DDX10: variants seen among roughly 807,000 people sequenced by gnomAD.
DDX10 encodes probable ATP-dependent RNA helicase DDX10.
DDX10 carries 74 observed loss-of-function variants against 104.3 expected under a neutral mutation model. The ratio of observed to expected loss-of-function variants is 0.71; its 90% CI spans 0.59 to 0.86. The LOEUF (loss-of-function observed/expected upper bound fraction) is 0.86. Ranked by LOEUF, DDX10 falls within the 40% of genes least tolerant of loss-of-function variation. The pLI is 0.00. For synonymous variants in DDX10, 351 were observed against 353.4 expected (o/e 0.99, Z 0.08); for missense variants, 952 against 1,040.0 (o/e 0.92, Z 1.16).
chr11:108,838,439 C>T lies in DDX10; in HGVS notation c.1966-7C>T. 3 of 1,606,074 alleles carry T rather than the reference C, an allele frequency of 1.9e-6. No individual in the cohort carries two copies. Among genetic ancestry groups the T allele is most frequent in the Admixed American group, 3.4e-5 (2 of 58,898 alleles). On this transcript the variant is annotated splice_polypyrimidine_tract_variant and splice_region_variant and intron_variant, in intron 13 of 17. Transcript: ENST00000322536. ...ATCATCTGTGTTTTTTGTATGTTCTCACACAGAAGAAAGAACCTTCTAAAT... is the reference window on the plus strand; with the variant it reads ...ATCATCTGTGTTTTTTGTATGTTCTTACACAGAAGAAAGAACCTTCTAAAT...
intron 13 of DDX10, among the ~76,000 whole-genome samples, chr11:108,734,845 C>T (rs2094316476): frequency 1.3e-5 from 2 of 152,170 alleles, no homozygotes; most frequent in Admixed American, 6.6e-5. Context: ...AAGGAGTTTT[C>T]AAATTCATAA....
chr11:108,695,307 C>T (rs1298132068), intron 9 of DDX10, among the ~76,000 whole-genome samples: 1 of 152,208 alleles, frequency 6.6e-6, no homozygotes, highest in African/African-American at 2.4e-5. Context: ...TTTTCTTTCT[C>T]ATCAAAACTG....
At chr11:108,694,758 G>A (rs2094257356) in intron 9 of DDX10, among the ~76,000 whole-genome samples, 2 of 152,186 alleles carry the variant, frequency 1.3e-5, no homozygotes, top group South Asian at 4.1e-4. Flanking sequence ...GTGTGCGCCT[G>A]TAGTCTCAGC....
chr11:108,789,896 G>A (rs1262488126), intron 13 of DDX10, among the ~76,000 whole-genome samples: 1 of 152,082 alleles, frequency 6.6e-6, no homozygotes, highest in Non-Finnish European at 1.5e-5. Flanking sequence ...TTTGGCTTTT[G>A]TCCTCAGACT....
intron 16 of DDX10, among the ~76,000 whole-genome samples, chr11:108,858,829 C>T (rs1473615477): frequency 1.3e-5 from 2 of 152,102 alleles, no homozygotes; most frequent in African/African-American, 4.8e-5. Context: ...GTGTATGGTA[C>T]TGTATGGGTG....
intron 16 of DDX10, among the ~76,000 whole-genome samples, chr11:108,867,103 G>A (rs955707692): frequency 1.3e-5 from 2 of 152,120 alleles, no homozygotes; most frequent in African/African-American, 4.8e-5. Flanking sequence ...AATGTGCTAG[G>A]TTGACATCAA....
At chr11:108,857,326 G>C (rs1182016113) in intron 16 of DDX10, among the ~76,000 whole-genome samples, 2 of 152,162 alleles carry the variant, frequency 1.3e-5, no homozygotes, top group Non-Finnish European at 2.9e-5. Context: ...ATGTCTTAAA[G>C]TTTCTGGGTG....
At chr11:108,817,934 C>T (rs1201795175) in intron 13 of DDX10, among the ~76,000 whole-genome samples, 1 of 152,224 alleles carries the variant, frequency 6.6e-6, no homozygotes, top group African/African-American at 2.4e-5. Flanking sequence ...AGACAACATG[C>T]TGCTACTTTG....
intron 13 of DDX10, among the ~76,000 whole-genome samples, chr11:108,819,009 G>A (rs1862290811): frequency 6.6e-6 from 1 of 152,184 alleles, no homozygotes; most frequent in Non-Finnish European, 1.5e-5. Flanking sequence ...TGGGAAAAGT[G>A]GCTTGGCAGT....
In DDX10 at chr11:108,853,009, C is replaced by A. The variant is rs553444430; in HGVS notation, c.2304+800C>A. Reference sequence around the variant, plus strand: ...TTTTTTTTCCATGCTGGCCATAGCACTTAAGAGAGCAAGTCAGAGATGATA... The same window carrying A: ...TTTTTTTTCCATGCTGGCCATAGCAATTAAGAGAGCAAGTCAGAGATGATA... On this transcript the variant is annotated intron_variant, in intron 16 of 17. Transcript: ENST00000322536. 6.6e-5 allele frequency among the ~76,000 whole-genome samples: 10 copies of A among 152,204 alleles called. 1 individual carries two copies. In the East Asian group the frequency reaches 1.5e-3, roughly 24 times the overall value.
chr11:108,908,774 G>A (rs1023170978), intron 16 of DDX10, among the ~76,000 whole-genome samples: 8 of 152,194 alleles, frequency 5.3e-5, no homozygotes, highest in Admixed American at 3.3e-4. Flanking sequence ...GAAATGAAAA[G>A]TGTGTTATTA....
At chr11:108,832,438 C>T (rs567015415) in intron 13 of DDX10, among the ~76,000 whole-genome samples, 1 of 152,236 alleles carries the variant, frequency 6.6e-6, no homozygotes, top group East Asian at 1.9e-4. Flanking sequence ...TGGAAAACTA[C>T]TGAAGCATTG....
chr11:108,909,597 G>A (rs1863641395), intron 16 of DDX10, among the ~76,000 whole-genome samples: 1 of 152,176 alleles, frequency 6.6e-6, no homozygotes, highest in African/African-American at 2.4e-5. Context: ...ATGAAAAGTT[G>A]TAGAGAATTA....
At chr11:108,795,266 T>C (rs1481774043) in intron 13 of DDX10, among the ~76,000 whole-genome samples, 1 of 150,860 alleles carries the variant, frequency 6.6e-6, no homozygotes, top group African/African-American at 2.5e-5. Flanking sequence ...CCAAATTGTC[T>C]GGGCCTGGAA....
chr11:108,835,414 C>A (rs1283363033), intron 13 of DDX10, among the ~76,000 whole-genome samples: 1 of 152,176 alleles, frequency 6.6e-6, no homozygotes, highest in Non-Finnish European at 1.5e-5. Flanking sequence ...AAGAAGAAAT[C>A]TAAAACTTAA....
At chr11:108,869,197 G>A (rs1300187661) in intron 16 of DDX10, among the ~76,000 whole-genome samples, 1 of 147,884 alleles carries the variant, frequency 6.8e-6, no homozygotes, top group Non-Finnish European at 1.5e-5. Context: ...TAAACCCGTT[G>A]TTTTTTTTTT....
At chr11:108,684,274 G>T (rs1256104796) in intron 6 of DDX10, among the ~76,000 whole-genome samples, 1 of 144,486 alleles carries the variant, frequency 6.9e-6, no homozygotes, top group Non-Finnish European at 1.5e-5. Context: ...CATGTGCCAT[G>T]CTGGTGCGCT....
intron 16 of DDX10, among the ~76,000 whole-genome samples, chr11:108,869,002 G>C (rs1325545829): frequency 6.8e-6 from 1 of 146,790 alleles, no homozygotes; most frequent in African/African-American, 2.5e-5. Flanking sequence ...TTGACAGTGA[G>C]TAGGAGAAAA....
intron 16 of DDX10, among the ~76,000 whole-genome samples, chr11:108,910,048 C>T (rs190486817): frequency 5.4e-5 from 8 of 146,816 alleles, no homozygotes; most frequent in Admixed American, 2.1e-4. Flanking sequence ...TGCAGGAAGA[C>T]GTATTAGGCA....
Sources: gnomAD v4.1 joint callset for allele counts (sites outside exome capture counted in the v4.1 genomes callset) on GRCh38, gnomAD v4.1.1 for gene constraint, MANE v1.5 for transcripts, NCBI Gene and HGNC (gene_info 2026-07-23, HGNC 2026-07-21) for gene names.